Variants in CELF2 observed in about 807,000 individuals in gnomAD.
CELF2 encodes CUG triplet repeat RNA-binding protein 2.
Under a neutral mutation model 62.6 loss-of-function variants are expected in CELF2, and 8 were observed. That is an observed-to-expected ratio of 0.13 (90% CI 0.07 to 0.23). The LOEUF is 0.23. Ranked by LOEUF, CELF2 falls within the 10% of genes least tolerant of loss-of-function variation. The pLI is 1.00. For missense variants in CELF2, 333 were observed against 671.0 expected, an observed-to-expected ratio of 0.50 and a Z score of 5.56; for synonymous variants, 258 against 250.0, an observed-to-expected ratio of 1.03 and a Z score of -0.30.
At position 10,918,787 on chromosome 10, in the gene CELF2, G is replaced by A. The variant is rs189616776; in HGVS notation, c.54-1177G>A. 2.2e-3 allele frequency among the ~76,000 whole-genome samples: 332 copies of A among 152,324 alleles called. 2 individuals are homozygous for A. Among genetic ancestry groups the A allele is most frequent in the African/African-American group, 7.7e-3 (319 of 41,578 alleles). On this transcript the variant is annotated intron_variant, in intron 1 of 13. Transcript: ENST00000636488. The stretch of plus-strand genomic sequence containing the variant: ...TATTTTCTCTATGTAAGGTGTTTGT[G>A]TCTTTAATGAGATTCTTAAAGGGGT...
At chr10:10,483,600 T>A in the CELF2 span, among the ~76,000 whole-genome samples, 9 of 152,198 alleles carry the variant, frequency 5.9e-5, no homozygotes, top group Non-Finnish European at 1.2e-4. Context: ...AAGATTGCTG[T>A]CTGTGTCTTT....
At chr10:10,875,704 AT>A (rs35821094) in intron 1 of CELF2, among the ~76,000 whole-genome samples, 13,485 of 151,256 alleles carry the variant, frequency 0.089, 730 homozygotes, top group East Asian at 0.23. Context: ...AAGAATCTGC[AT>A]TTTTTTTTCT....
intron 1 of CELF2, among the ~76,000 whole-genome samples, chr10:10,892,595 A>G (rs1453721015): frequency 4.6e-5 from 7 of 152,236 alleles, no homozygotes; most frequent in Non-Finnish European, 5.9e-5. Flanking sequence ...CATTCTCATT[A>G]GTGGAGCTTT....
Position 11,110,285 on chromosome 10 carries a change from T to A in CELF2, c.75-55201T>A, listed in dbSNP as rs139103035. On this transcript the variant is annotated intron_variant, in intron 1 of 12. Coordinates refer to ENST00000633077, the MANE Select transcript of CELF2 (RefSeq NM_001326342.2). This position sits in a 1 kb window ranked among gnomAD's most constrained non-coding sequence, Gnocchi z 4.0. ...CAAGACCATGTCTTAAAAAAAAAAA[T>A]CTGCTTTTTGTTCTTTTCTAGCTAC... 2.0e-5 allele frequency among the ~76,000 whole-genome samples: 3 copies of A among 151,674 alleles called. No homozygotes were observed. The highest frequency in any genetic ancestry group is 1.9e-4 in the East Asian group (1 of 5,162).
At chr10:11,023,331 A>T (rs778347488) in intron 1 of CELF2, among the ~76,000 whole-genome samples, 15 of 152,230 alleles carry the variant, frequency 9.9e-5, no homozygotes, top group Non-Finnish European at 1.3e-4. Context: ...CAGTGCAGAA[A>T]ATGTATTTTT....
At chr10:11,035,674 T>A (rs2060833242) in intron 1 of CELF2, among the ~76,000 whole-genome samples, 1 of 152,240 alleles carries the variant, frequency 6.6e-6, no homozygotes, top group African/African-American at 2.4e-5. Flanking sequence ...TGCTGGAATT[T>A]CAGAGGATTT....
chr10:11,049,911 G>A (rs1018840474), intron 1 of CELF2, among the ~76,000 whole-genome samples: 9 of 152,154 alleles, frequency 5.9e-5, no homozygotes, highest in African/African-American at 1.7e-4. Flanking sequence ...AGTGTCCTTC[G>A]GGGACCCCGT....
the CELF2 span, among the ~76,000 whole-genome samples, chr10:10,615,992 T>C: frequency 6.6e-6 from 1 of 152,210 alleles, no homozygotes; most frequent in African/African-American, 2.4e-5. Context: ...TGCAAGCATG[T>C]GTTAGGATGC....
chr10:10,767,098 G>A, the CELF2 span, among the ~76,000 whole-genome samples: 1 of 152,092 alleles, frequency 6.6e-6, no homozygotes, highest in Non-Finnish European at 1.5e-5. Flanking sequence ...CTGAAATGCA[G>A]CAATAACCCA....
chr10:10,754,116 A>G, the CELF2 span, among the ~76,000 whole-genome samples: 1 of 141,460 alleles, frequency 7.1e-6, no homozygotes, highest in Non-Finnish European at 1.5e-5. Flanking sequence ...TTTGAAATTA[A>G]CTACTTAAGC....
At chr10:10,560,870 C>T in the CELF2 span, among the ~76,000 whole-genome samples, 2 of 152,120 alleles carry the variant, frequency 1.3e-5, no homozygotes, top group African/African-American at 4.8e-5. Context: ...TTTTCAGTGA[C>T]CTGGATGAGA....
chr10:11,160,187 G>A (rs1465812925), intron 1 of CELF2, among the ~76,000 whole-genome samples: 3 of 152,226 alleles, frequency 2.0e-5, no homozygotes, highest in African/African-American at 7.2e-5. Context: ...TAGGATTATA[G>A]AAATTAAGAG....
At chr10:10,856,100 G>T (rs180805919) in intron 1 of CELF2, among the ~76,000 whole-genome samples, 2 of 152,276 alleles carry the variant, frequency 1.3e-5, no homozygotes, top group African/African-American at 4.8e-5. Context: ...ATGCAAGACT[G>T]AGTGAGCCAG....
chr10:10,605,559 A>T, the CELF2 span, among the ~76,000 whole-genome samples: 1 of 152,226 alleles, frequency 6.6e-6, no homozygotes. Flanking sequence ...TATTGGGCAA[A>T]TCAGAGTGCG....
At chr10:11,155,410 T>C (rs1184089460) in intron 1 of CELF2, among the ~76,000 whole-genome samples, 2 of 152,124 alleles carry the variant, frequency 1.3e-5, no homozygotes, top group Non-Finnish European at 2.9e-5. Flanking sequence ...TCCCTTTTGT[T>C]TGCTCCTCGT....
chr10:11,061,267 A>AT (rs1254438707), intron 1 of CELF2, among the ~76,000 whole-genome samples: 5 of 152,236 alleles, frequency 3.3e-5, no homozygotes, highest in African/African-American at 1.2e-4. Context: ...AGAAAATCAA[A>AT]TGAGCCACAA....
the CELF2 span, among the ~76,000 whole-genome samples, chr10:10,608,999 G>A: frequency 6.6e-6 from 1 of 152,174 alleles, no homozygotes; most frequent in Non-Finnish European, 1.5e-5. Flanking sequence ...ACTGGCCTCC[G>A]TGAGCCAGGA....
intron 1 of CELF2, among the ~76,000 whole-genome samples, chr10:10,812,032 T>C (rs1206874860): frequency 6.6e-6 from 1 of 152,156 alleles, no homozygotes; most frequent in East Asian, 1.9e-4. Context: ...ATAATCCACA[T>C]GCAGGGTCCT....
In CELF2 at chr10:11,321,051, A is replaced by T; in HGVS notation, c.1097-138A>T. The stretch of plus-strand genomic sequence containing the variant: ...TTTATTTCTTCATGGTTTCATTTTT[A>T]GTTTCCTGTCAGTGTAATTGTGTGC... On this transcript the variant is annotated intron_variant, in intron 10 of 12. Coordinates refer to ENST00000633077, the MANE Select transcript of CELF2 (RefSeq NM_001326342.2). This position sits in a 1 kb window ranked among gnomAD's most constrained non-coding sequence, Gnocchi z 6.2. 7.7e-7 allele frequency: 1 copy of T among 1,305,366 alleles called. No homozygotes were observed. The highest frequency in any genetic ancestry group is 1.1e-6 in the Non-Finnish European group (1 of 935,052). 80.9% of individuals were successfully genotyped at this position (1,305,366 alleles called of 1,614,324 possible).
Sources: allele counts gnomAD v4.1 joint callset (sites outside exome capture counted in the v4.1 genomes callset), GRCh38; gene constraint gnomAD v4.1.1; non-coding constraint Gnocchi (gnomAD v3.1); transcripts MANE v1.5; gene names NCBI Gene and HGNC (gene_info 2026-07-23, HGNC 2026-07-21).